The following MTHFD1L variants were observed in gnomAD, a reference collection of about 807,000 sequenced individuals.
The protein encoded by MTHFD1L is methylenetetrahydrofolate dehydrogenase (NADP+ dependent) 1 like.
Under a neutral mutation model 119.5 loss-of-function variants are expected in MTHFD1L, and 81 were observed. That is an observed-to-expected ratio of 0.68 (90% CI 0.57 to 0.82). MTHFD1L has a LOEUF of 0.82. Among genes scored for constraint, MTHFD1L ranks in the 40% least tolerant of loss-of-function variants. The pLI is 0.00. For missense variants in MTHFD1L, 1,125 were observed against 1,253.4 expected, an observed-to-expected ratio of 0.90 and a Z score of 1.55; for synonymous variants, 430 against 475.2, an observed-to-expected ratio of 0.90 and a Z score of 1.24.
At chr6:150,913,397 C>T (rs904853148) in intron 8 of MTHFD1L, among the ~76,000 whole-genome samples, 1 of 152,020 alleles carries the variant, frequency 6.6e-6, no homozygotes, top group Non-Finnish European at 1.5e-5. Flanking sequence ...GATCTCCTGA[C>T]CTGGTCATCC....
chr6:150,920,428 G>A (rs978213473), intron 9 of MTHFD1L, among the ~76,000 whole-genome samples: 5 of 152,158 alleles, frequency 3.3e-5, no homozygotes, highest in African/African-American at 1.2e-4. Context: ...TCTTTCTTAT[G>A]TACAGGGTAA....
intron 20 of MTHFD1L, among the ~76,000 whole-genome samples, chr6:151,006,101 G>A (rs953033571): frequency 1.4e-4 from 21 of 146,960 alleles, no homozygotes; most frequent in Non-Finnish European, 2.5e-4. Context: ...GCGTGGTCCC[G>A]CCCTCCATGT....
rs117009553 is a variant in MTHFD1L at position 151,060,144 on chromosome 6, G to A, written c.2847+23027G>A. Among the ~76,000 whole-genome samples, 673 of 152,288 alleles carry A rather than the reference G, an allele frequency of 4.4e-3. 1 individual carries two copies. Among genetic ancestry groups the A allele is most frequent in the Non-Finnish European group, 6.4e-3 (437 of 68,034 alleles). On this transcript the variant is annotated intron_variant, in intron 26 of 27. Transcript: ENST00000367321. ...GACGCCAGAAGGTATAGGACCATGT[G>A]GAATTCAGAAAAGGGAGCCCTGAAG... is the stretch of plus-strand genomic sequence containing the variant.
intron 26 of MTHFD1L, among the ~76,000 whole-genome samples, chr6:151,051,732 C>T (rs1789076427): frequency 6.6e-6 from 1 of 152,156 alleles, no homozygotes; most frequent in Non-Finnish European, 1.5e-5. Flanking sequence ...GCAGCCTTTG[C>T]CAAGAGAAAG....
intron 1 of MTHFD1L, among the ~76,000 whole-genome samples, chr6:150,875,406 G>A (rs1226049525): frequency 2.0e-5 from 3 of 152,110 alleles, no homozygotes; most frequent in Admixed American, 2.0e-4. Flanking sequence ...TCAGAGGTGG[G>A]AGGTGAAGGT....
intron 16 of MTHFD1L, among the ~76,000 whole-genome samples, chr6:150,950,677 T>G (rs1794721232): frequency 6.6e-6 from 1 of 152,172 alleles, no homozygotes; most frequent in Non-Finnish European, 1.5e-5. Flanking sequence ...TTGTTTGTTG[T>G]TATTTTGAGA....
chr6:151,010,546 A>T (rs1197576569), intron 21 of MTHFD1L, among the ~76,000 whole-genome samples: 1 of 152,188 alleles, frequency 6.6e-6, no homozygotes, highest in Admixed American at 6.5e-5. Context: ...GAAAACACAA[A>T]TTCGATTTTA....
At chr6:150,907,897 A>ATTTT (rs11442424) in intron 8 of MTHFD1L, among the ~76,000 whole-genome samples, 1 of 140,874 alleles carries the variant, frequency 7.1e-6, no homozygotes, top group African/African-American at 2.7e-5. Context: ...GCTCTGTGAA[A>ATTTT]TTTTTTTTTT....
intron 24 of MTHFD1L, among the ~76,000 whole-genome samples, chr6:151,021,683 C>T (rs887243051): frequency 1.3e-5 from 2 of 152,148 alleles, no homozygotes; most frequent in African/African-American, 2.4e-5. Flanking sequence ...TGTCAAACTC[C>T]AAGATTGGTT....
intron 20 of MTHFD1L, among the ~76,000 whole-genome samples, chr6:150,994,077 A>AG (rs1554273889): frequency 7.6e-5 from 8 of 105,302 alleles, no homozygotes; most frequent in South Asian, 3.0e-4. Flanking sequence ...AAAAAAAAAA[A>AG]AAAGAAAGAA....
At chr6:150,980,768 T>C (rs573368244) in intron 20 of MTHFD1L, among the ~76,000 whole-genome samples, 1 of 151,602 alleles carries the variant, frequency 6.6e-6, no homozygotes, top group Non-Finnish European at 1.5e-5. Flanking sequence ...AAATCAGATA[T>C]TAGAGACACA....
At chr6:151,009,517 G>A (rs926578739) in intron 20 of MTHFD1L, among the ~76,000 whole-genome samples, 1 of 148,954 alleles carries the variant, frequency 6.7e-6, no homozygotes, top group African/African-American at 2.5e-5. Context: ...CTGTGCGACA[G>A]GGCAAGACAC....
intron 26 of MTHFD1L, among the ~76,000 whole-genome samples, chr6:151,077,351 G>A (rs2145744): frequency 0.82 from 124,467 of 152,234 alleles, 51,082 homozygotes; most frequent in East Asian, 0.91. Context: ...ACTTTTCAAC[G>A]GTAATACTGG....
At chr6:150,940,950 C>T (rs1352180027) in intron 13 of MTHFD1L, among the ~76,000 whole-genome samples, 1 of 152,196 alleles carries the variant, frequency 6.6e-6, no homozygotes, top group East Asian at 1.9e-4. Context: ...AGTTGAGTGC[C>T]TCCAGTCTTT....
At chr6:151,063,530 C>T (rs1003181679) in intron 26 of MTHFD1L, among the ~76,000 whole-genome samples, 8 of 152,288 alleles carry the variant, frequency 5.3e-5, no homozygotes, top group African/African-American at 1.2e-4. Flanking sequence ...TCTAGTTAAA[C>T]GCCCATCTTT....
At chr6:151,063,809 A>G (rs1790912025) in intron 26 of MTHFD1L, among the ~76,000 whole-genome samples, 1 of 152,172 alleles carries the variant, frequency 6.6e-6, no homozygotes, top group South Asian at 2.1e-4. Context: ...AACTGGCCTC[A>G]TGTTGGAAGT....
intron 26 of MTHFD1L, among the ~76,000 whole-genome samples, chr6:151,091,046 C>T (rs76003927): frequency 0.017 from 1,256 of 74,718 alleles, 2 homozygotes; most frequent in African/African-American, 0.028. Flanking sequence ...GCAGCATCGC[C>T]CCATGCGACT....
At chr6:150,887,221 C>T (rs948378193) in intron 6 of MTHFD1L, among the ~76,000 whole-genome samples, 1 of 152,092 alleles carries the variant, frequency 6.6e-6, no homozygotes, top group African/African-American at 2.4e-5. Flanking sequence ...TCCATATATA[C>T]AGTGCTTTTT....
intron 7 of MTHFD1L, among the ~76,000 whole-genome samples, chr6:150,896,685 G>C (rs1182412924): frequency 6.6e-6 from 1 of 152,150 alleles, no homozygotes; most frequent in African/African-American, 2.4e-5. Flanking sequence ...TAATACCAAG[G>C]AAGAAAGTGA....
Sources: gnomAD v4.1 joint callset for allele counts (sites outside exome capture counted in the v4.1 genomes callset) on GRCh38, gnomAD v4.1.1 for gene constraint, MANE v1.5 for transcripts, NCBI Gene and HGNC (gene_info 2026-07-23, HGNC 2026-07-21) for gene names.